Variants in TBC1D14 observed in about 807,000 individuals in gnomAD.
The protein encoded by TBC1D14 is TBC1 domain family member 14.
Under a neutral mutation model 79.0 loss-of-function variants are expected in TBC1D14, and 26 were observed. The observed-to-expected ratio is 0.33, with a 90% CI of 0.24 to 0.46. The LOEUF is 0.46. TBC1D14 is among the 20% of genes least tolerant of loss of function. The probability of loss-of-function intolerance (pLI) is 1.00; values close to 1 mark genes in which losing one functional copy is unlikely to be tolerated. For synonymous variants in TBC1D14, 394 were observed against 349.9 expected, an observed-to-expected ratio of 1.13 and a Z score of -1.40; for missense variants, 769 against 887.6, an observed-to-expected ratio of 0.87 and a Z score of 1.70.
intron 2 of TBC1D14, among the ~76,000 whole-genome samples, chr4:6,933,609 A>G (rs1029772710): frequency 4.6e-5 from 7 of 151,926 alleles, no homozygotes; most frequent in East Asian, 1.9e-4. Context: ...TGCCTGGCCT[A>G]CCTCTGTTTC....
At chr4:6,956,757 C>G (rs576993481) in intron 2 of TBC1D14, among the ~76,000 whole-genome samples, 145 of 152,368 alleles carry the variant, frequency 9.5e-4, no homozygotes, top group African/African-American at 3.3e-3. Flanking sequence ...CACCTTGTGG[C>G]TTTCTAGATG....
rs1438720118 is a variant in TBC1D14, at chr4:6,950,090, G to A, written c.723-17214G>A. Reference sequence around the variant, plus strand: ...CTCCCCACCTCCAACAGGCCCTGTTGTGTGATGTTCGCTCCCTGTGTCCAT... The same window carrying A: ...CTCCCCACCTCCAACAGGCCCTGTTATGTGATGTTCGCTCCCTGTGTCCAT... On this transcript the variant is annotated intron_variant, in intron 2 of 13. Coordinates refer to ENST00000409757, the MANE Select transcript of TBC1D14 (RefSeq NM_020773.3). Among the ~76,000 whole-genome samples, 5 of 152,240 alleles carry A rather than the reference G, an allele frequency of 3.3e-5. No homozygotes were observed. The East Asian group carries it at 9.7e-4, about 29-fold the overall frequency.
intron 2 of TBC1D14, among the ~76,000 whole-genome samples, chr4:6,942,691 C>T (rs1311855365): frequency 6.6e-6 from 1 of 152,058 alleles, no homozygotes; most frequent in Admixed American, 6.5e-5. Flanking sequence ...GCGGGGAAGG[C>T]GGGTCAAAAG....
chr4:6,960,420 C>T (rs567242998), intron 2 of TBC1D14, among the ~76,000 whole-genome samples: 1 of 152,202 alleles, frequency 6.6e-6, no homozygotes, highest in African/African-American at 2.4e-5. Context: ...ACCCAATATC[C>T]TGCTCCAGAA....
chr4:6,981,057 C>T (rs1185174102), intron 3 of TBC1D14, among the ~76,000 whole-genome samples: 39 of 143,786 alleles, frequency 2.7e-4, no homozygotes, highest in African/African-American at 8.3e-4. Flanking sequence ...CTGAGTCTTG[C>T]TCTGTTGCTC....
chr4:6,946,270 AGAG>A (rs773966321), intron 2 of TBC1D14, among the ~76,000 whole-genome samples: 11 of 152,182 alleles, frequency 7.2e-5, no homozygotes, highest in Non-Finnish European at 1.6e-4. Flanking sequence ...GGATTAAATG[AGAG>A]GAGATGCTTG....
intron 2 of TBC1D14, among the ~76,000 whole-genome samples, chr4:6,946,715 G>A (rs1418084177): frequency 6.6e-6 from 1 of 152,158 alleles, no homozygotes; most frequent in Non-Finnish European, 1.5e-5. Context: ...GTAAAACTGA[G>A]GCTAGAGAGG....
intron 1 of TBC1D14, chr4:6,910,517 G>A (rs1323264316): frequency 6.6e-6 from 1 of 152,158 alleles, no homozygotes; most frequent in African/African-American, 2.4e-5. Flanking sequence ...GAATCTCTCT[G>A]CCTCCGCCTT....
At chr4:6,979,973 G>A (rs981902081) in intron 3 of TBC1D14, among the ~76,000 whole-genome samples, 1 of 152,166 alleles carries the variant, frequency 6.6e-6, no homozygotes, top group Non-Finnish European at 1.5e-5. Context: ...AGTGTCAACA[G>A]TCCTCACTAA....
At chr4:6,987,920 T>C (rs1718046289) in intron 3 of TBC1D14, among the ~76,000 whole-genome samples, 1 of 152,236 alleles carries the variant, frequency 6.6e-6, no homozygotes, top group Non-Finnish European at 1.5e-5. Flanking sequence ...CTGAGAGTGC[T>C]TCCCAGAATG....
intron 6 of TBC1D14, among the ~76,000 whole-genome samples, chr4:7,000,942 C>T (rs772513172): frequency 1.3e-5 from 2 of 152,190 alleles, no homozygotes; most frequent in Non-Finnish European, 2.9e-5. Context: ...CTGTGCTCCT[C>T]CATACCTGCC....
intron 2 of TBC1D14, among the ~76,000 whole-genome samples, chr4:6,927,778 C>T (rs1388486235): frequency 6.6e-6 from 1 of 152,170 alleles, no homozygotes; most frequent in African/African-American, 2.4e-5. Context: ...TTGCCAGATA[C>T]CCCAGGGAGG....
chr4:6,973,400 A>G (rs1267685438), intron 3 of TBC1D14, among the ~76,000 whole-genome samples: 1 of 151,914 alleles, frequency 6.6e-6, no homozygotes, highest in Non-Finnish European at 1.5e-5. Context: ...ACAAGAAAAA[A>G]CTTCACTTTC....
chr4:6,920,624 A>G (rs918385335), intron 1 of TBC1D14, among the ~76,000 whole-genome samples: 1 of 152,162 alleles, frequency 6.6e-6, no homozygotes. Context: ...AGCTACCAAC[A>G]AAGTGCCTGT....
intron 2 of TBC1D14, among the ~76,000 whole-genome samples, chr4:6,939,053 T>C (rs1712626724): frequency 6.6e-6 from 1 of 152,184 alleles, no homozygotes; most frequent in Admixed American, 6.5e-5. Context: ...CCTCTCCGGC[T>C]CAGCCGGTGG....
chr4:7,006,829 T>G, intron 9 of TBC1D14, 103 bp downstream of exon 9: 4 of 1,045,046 alleles, frequency 3.8e-6, no homozygotes, highest in African/African-American at 1.6e-5. Context: ...CTTGGGTTTT[T>G]GGGGGTGTTA....
chr4:6,950,438 C>T (rs1468535854), intron 2 of TBC1D14, among the ~76,000 whole-genome samples: 1 of 152,190 alleles, frequency 6.6e-6, no homozygotes, highest in South Asian at 2.1e-4. Flanking sequence ...CAGGCTCTCC[C>T]ATTTAGTGCT....
intron 2 of TBC1D14, among the ~76,000 whole-genome samples, chr4:6,926,179 C>T (rs1724284413): frequency 6.6e-6 from 1 of 152,230 alleles, no homozygotes; most frequent in African/African-American, 2.4e-5. Context: ...GTCTCCGCTG[C>T]CTCACCTGAG....
chr4:7,001,011 A>C, intron 6 of TBC1D14, 134 bp from the exon 7 acceptor site: 1 of 687,602 alleles, frequency 1.5e-6, no homozygotes, highest in Admixed American at 2.4e-5. Context: ...CCTGGACTCT[A>C]AGCTTCCTGA....
Sources: allele counts gnomAD v4.1 joint callset (sites outside exome capture counted in the v4.1 genomes callset), GRCh38; gene constraint gnomAD v4.1.1; transcripts MANE v1.5; gene names NCBI Gene and HGNC (gene_info 2026-07-23, HGNC 2026-07-21).